Variants in CFAP299 observed in about 807,000 individuals in gnomAD.
CFAP299 encodes the protein cilia and flagella associated protein 299.
In CFAP299, 21 loss-of-function variants were observed where a neutral mutation model predicts 27.0. The observed-to-expected ratio is 0.78, with a 90% CI of 0.55 to 1.12. The LOEUF (loss-of-function observed/expected upper bound fraction) is 1.12. Ranked by LOEUF, CFAP299 falls within the 50% of genes most tolerant of loss-of-function variation. The pLI is 0.00. For missense variants in CFAP299, 310 were observed against 276.6 expected (o/e 1.12, Z -0.86); for synonymous variants, 104 against 98.1 (o/e 1.06, Z -0.36).
chr4:80,817,311 G>A lies in CFAP299; in HGVS notation c.334-52682G>A, dbSNP rs368663621. 4.8e-4 allele frequency among the ~76,000 whole-genome samples: 73 copies of A among 151,918 alleles called. No individual in the cohort carries two copies. In the East Asian group the frequency reaches 0.011, roughly 24 times the overall value. ...ATATTACATAGTATATTATTAATAT[G>A]AAAACCGATAAATAAATACTATATT... is the stretch of plus-strand genomic sequence containing the variant. On this transcript the variant is annotated intron_variant, in intron 3 of 5. Transcript: ENST00000358105.
At chr4:80,584,026 G>A (rs1479445504) in intron 3 of CFAP299, among the ~76,000 whole-genome samples, 1 of 151,908 alleles carries the variant, frequency 6.6e-6, no homozygotes, top group Non-Finnish European at 1.5e-5. Flanking sequence ...CCTCAATGTA[G>A]TTCAGAGAGA....
intron 5 of CFAP299, among the ~76,000 whole-genome samples, chr4:80,950,353 C>T (rs767623797): frequency 6.6e-6 from 1 of 151,350 alleles, no homozygotes; most frequent in Non-Finnish European, 1.5e-5. Flanking sequence ...AAAAAGCTTA[C>T]AGGTTAACTG....
chr4:80,364,405 A>AC (rs1186702108), intron 2 of CFAP299, among the ~76,000 whole-genome samples: 4 of 151,910 alleles, frequency 2.6e-5, no homozygotes, highest in Non-Finnish European at 5.9e-5. Context: ...GTGGGTCAAG[A>AC]CCCTTTTACC....
chr4:80,944,064 CAATAAATA>C (rs199854313), intron 4 of CFAP299, among the ~76,000 whole-genome samples: 9,831 of 144,386 alleles, frequency 0.068, 369 homozygotes, highest in African/African-American at 0.089. Context: ...GACTCCATCT[CAATAAATA>C]AATAAATAAA....
chr4:80,727,189 A>G (rs1293053611), intron 3 of CFAP299, among the ~76,000 whole-genome samples: 1 of 152,240 alleles, frequency 6.6e-6, no homozygotes, highest in Non-Finnish European at 1.5e-5. Context: ...GCTCACTAGT[A>G]AAATATGACA....
At chr4:80,771,637 T>A (rs544290446) in intron 3 of CFAP299, among the ~76,000 whole-genome samples, 118 of 152,294 alleles carry the variant, frequency 7.7e-4, no homozygotes, top group African/African-American at 2.6e-3. Context: ...CTAGGGCTGA[T>A]GTGATGGCCC....
chr4:80,862,533 G>A (rs1196201926), intron 3 of CFAP299, among the ~76,000 whole-genome samples: 1 of 152,036 alleles, frequency 6.6e-6, no homozygotes, highest in African/African-American at 2.4e-5. Flanking sequence ...GTTTCTTATG[G>A]TAAATAACTA....
chr4:80,810,517 A>C (rs1474211099), intron 3 of CFAP299, among the ~76,000 whole-genome samples: 1 of 152,070 alleles, frequency 6.6e-6, no homozygotes, highest in Non-Finnish European at 1.5e-5. Context: ...TTCTAAGAAG[A>C]GGAGAAGATG....
intron 2 of CFAP299, among the ~76,000 whole-genome samples, chr4:80,421,286 C>T (rs1271133065): frequency 1.3e-5 from 2 of 152,296 alleles, no homozygotes; most frequent in South Asian, 2.1e-4. Flanking sequence ...CTTGAAGACA[C>T]AGACTTTGTT....
At chr4:80,367,564 G>T (rs932252558) in intron 2 of CFAP299, among the ~76,000 whole-genome samples, 1 of 152,118 alleles carries the variant, frequency 6.6e-6, no homozygotes, top group African/African-American at 2.4e-5. Flanking sequence ...TTACTGGGTT[G>T]GTATCCAAGG....
rs1014568063 is a variant in CFAP299, at chr4:80,903,528, C to T, written c.476+33393C>T. Reference sequence around the variant, plus strand: ...AAACTATAAAAACATTAAAGTCACCCATAACTTTACCACCCTAAGATATTA... The same window carrying T: ...AAACTATAAAAACATTAAAGTCACCTATAACTTTACCACCCTAAGATATTA... On this transcript the variant is annotated intron_variant, in intron 4 of 5. Coordinates refer to ENST00000358105, the MANE Select transcript of CFAP299 (RefSeq NM_152770.3). Among the ~76,000 whole-genome samples, 4 of 151,932 alleles carry T rather than the reference C, an allele frequency of 2.6e-5. No individual in the cohort carries two copies. The East Asian group carries it at 7.7e-4, about 29-fold the overall frequency.
intron 2 of CFAP299, among the ~76,000 whole-genome samples, chr4:80,483,652 G>A (rs921507654): frequency 6.6e-6 from 1 of 152,026 alleles, no homozygotes; most frequent in African/African-American, 2.4e-5. Flanking sequence ...GTAACAGCCA[G>A]TTCTAAAGGG....
chr4:80,329,208 C>CACACACATATATATATATATAT, the CFAP299 span, among the ~76,000 whole-genome samples: 7 of 136,046 alleles, frequency 5.1e-5, no homozygotes, highest in South Asian at 2.4e-4. Context: ...ACACTGTATA[C>CACACACATATATATATATATAT]ATATATATAT....
chr4:80,401,563 T>C (rs1466924919), intron 2 of CFAP299, among the ~76,000 whole-genome samples: 1 of 152,188 alleles, frequency 6.6e-6, no homozygotes, highest in Non-Finnish European at 1.5e-5. Flanking sequence ...TTTGGGAACC[T>C]CCACGTGGAT....
chr4:80,373,163 C>CATCTACTCATTTGTCCCAAT (rs1724231506), intron 2 of CFAP299, among the ~76,000 whole-genome samples: 1 of 152,056 alleles, frequency 6.6e-6, no homozygotes, highest in African/African-American at 2.4e-5. Flanking sequence ...GTGGACCTAA[C>CATCTACTCATTTGTCCCAAT]CCCAAGGGTT....
intron 3 of CFAP299, among the ~76,000 whole-genome samples, chr4:80,800,027 TATAATATATA>T (rs1348781509): frequency 0.066 from 4,173 of 62,926 alleles, 163 homozygotes; most frequent in Middle Eastern, 0.1. Flanking sequence ...ATATATTATA[TATAATATATA>T]ATAATATATA....
At chr4:80,477,002 C>T (rs953802309) in intron 2 of CFAP299, among the ~76,000 whole-genome samples, 1 of 151,530 alleles carries the variant, frequency 6.6e-6, no homozygotes, top group Non-Finnish European at 1.5e-5. Context: ...AACTTTCCTC[C>T]CAGCTTTGAA....
intron 3 of CFAP299, among the ~76,000 whole-genome samples, chr4:80,847,064 C>A (rs893591102): frequency 6.6e-6 from 1 of 152,128 alleles, no homozygotes; most frequent in African/African-American, 2.4e-5. Flanking sequence ...AAAACAGAAC[C>A]TAGTTTCCTG....
chr4:80,713,036 G>A (rs574701481), intron 3 of CFAP299, among the ~76,000 whole-genome samples: 1 of 152,030 alleles, frequency 6.6e-6, no homozygotes, highest in Non-Finnish European at 1.5e-5. Context: ...CAATCATTGA[G>A]TTAAGAGGCC....
Sources: gnomAD v4.1 joint callset for allele counts (sites outside exome capture counted in the v4.1 genomes callset) on GRCh38, gnomAD v4.1.1 for gene constraint, MANE v1.5 for transcripts, NCBI Gene and HGNC (gene_info 2026-07-23, HGNC 2026-07-21) for gene names.